HS3ST4: variants seen among roughly 807,000 people sequenced by gnomAD.
The protein encoded by HS3ST4 is heparan sulfate glucosamine 3-O-sulfotransferase 4.
HS3ST4 carries 17 observed loss-of-function variants against 29.2 expected under a neutral mutation model. That is an observed-to-expected ratio of 0.58 (90% CI 0.40 to 0.87). HS3ST4 has a LOEUF of 0.87. HS3ST4 is among the 40% of genes least tolerant of loss of function. HS3ST4 has a pLI of 0.00. For synonymous variants in HS3ST4, 314 were observed against 285.7 expected (o/e 1.10, Z -1.00); for missense variants, 627 against 634.5 (o/e 0.99, Z 0.13).
chr16:25,978,942 G>GTT (rs34078514), intron 1 of HS3ST4, among the ~76,000 whole-genome samples: 3,948 of 132,194 alleles, frequency 0.03, 280 homozygotes, highest in African/African-American at 0.1. Flanking sequence ...TTCTCTTTTT[G>GTT]TTTTTTTTTT....
intron 1 of HS3ST4, among the ~76,000 whole-genome samples, chr16:25,724,948 C>T: frequency 6.7e-6 from 1 of 150,284 alleles, no homozygotes; most frequent in African/African-American, 2.4e-5. Flanking sequence ...GATAGGCTTT[C>T]CTTTTGTCCC....
intron 1 of HS3ST4, among the ~76,000 whole-genome samples, chr16:25,957,964 C>G (rs550224843): frequency 1.3e-5 from 2 of 152,192 alleles, no homozygotes; most frequent in Non-Finnish European, 2.9e-5. Context: ...AGGTCTCACA[C>G]TACTCTCCAG....
intron 1 of HS3ST4, among the ~76,000 whole-genome samples, chr16:25,848,999 G>A (rs949647994): frequency 6.6e-6 from 1 of 151,974 alleles, no homozygotes; most frequent in Non-Finnish European, 1.5e-5. Context: ...TGTAATTTCG[G>A]TTTTGAATTT....
chr16:25,791,797 A>G (rs549437515), intron 1 of HS3ST4, among the ~76,000 whole-genome samples: 27 of 152,192 alleles, frequency 1.8e-4, no homozygotes, highest in Non-Finnish European at 3.4e-4. Flanking sequence ...TATTTCCTGT[A>G]TATAAGCCAG....
At chr16:25,869,777 G>A (rs891470192) in intron 1 of HS3ST4, among the ~76,000 whole-genome samples, 1 of 152,218 alleles carries the variant, frequency 6.6e-6, no homozygotes, top group African/African-American at 2.4e-5. Context: ...ATCCCTGGGA[G>A]TAGTTGGCAT....
chr16:25,698,851 C>G (rs138272619), intron 1 of HS3ST4, among the ~76,000 whole-genome samples: 1 of 152,162 alleles, frequency 6.6e-6, no homozygotes, highest in African/African-American at 2.4e-5. Context: ...TCAGACAGGT[C>G]GTATAAATGA....
At chr16:25,731,952 A>T (rs1258199379) in intron 1 of HS3ST4, among the ~76,000 whole-genome samples, 1 of 152,200 alleles carries the variant, frequency 6.6e-6, no homozygotes, top group Non-Finnish European at 1.5e-5. Context: ...TCTACTTTGG[A>T]AGAACAAACC....
intron 1 of HS3ST4, among the ~76,000 whole-genome samples, chr16:25,887,685 C>G (rs1285981034): frequency 6.9e-6 from 1 of 145,574 alleles, no homozygotes; most frequent in East Asian, 2.0e-4. Flanking sequence ...GCGCCCGCTA[C>G]ACCTGATTTT....
intron 1 of HS3ST4, among the ~76,000 whole-genome samples, chr16:25,839,949 G>A (rs4787766): frequency 0.16 from 24,624 of 152,196 alleles, 2,566 homozygotes; most frequent in Admixed American, 0.28. Flanking sequence ...AGTATAGGCC[G>A]AGAAGAAACC....
intron 1 of HS3ST4, among the ~76,000 whole-genome samples, chr16:26,126,737 G>A (rs755446114): frequency 1.3e-5 from 2 of 152,182 alleles, no homozygotes; most frequent in East Asian, 3.9e-4. Flanking sequence ...ATGGCATCTG[G>A]CGGGTAGAGA....
At chr16:25,758,763 CTGACCAACATG>C (rs1966772041) in intron 1 of HS3ST4, among the ~76,000 whole-genome samples, 1 of 152,062 alleles carries the variant, frequency 6.6e-6, no homozygotes, top group African/African-American at 2.4e-5. Context: ...TGAAACCAGC[CTGACCAACATG>C]GTGAAACCCT....
At chr16:25,742,822 T>C (rs572453816) in intron 1 of HS3ST4, among the ~76,000 whole-genome samples, 1 of 152,338 alleles carries the variant, frequency 6.6e-6, no homozygotes, top group South Asian at 2.1e-4. Context: ...ACTTCCGTTG[T>C]CACATATCCA....
intron 1 of HS3ST4, among the ~76,000 whole-genome samples, chr16:26,125,702 C>A (rs944766175): frequency 9.9e-5 from 15 of 152,230 alleles, no homozygotes; most frequent in African/African-American, 3.1e-4. Context: ...TGTCCTTAGT[C>A]CTCACTGTCT....
Position 25,759,630 on chromosome 16 carries a change from A to G in HS3ST4, c.734+66479A>G, listed in dbSNP as rs1325451979. ...GAGAGGAGGGAGAGGCTTCCTTAGA[A>G]AAGGAAACAGCCAGCGAGGCTCAGT... On this transcript the variant is annotated intron_variant, in intron 1 of 1. Coordinates refer to ENST00000331351, the MANE Select transcript of HS3ST4 (RefSeq NM_006040.3). Among the ~76,000 whole-genome samples the G allele has an allele frequency of 2.6e-5, 4 of 152,202 alleles. No individual in the cohort carries two copies. In the East Asian group the frequency reaches 7.7e-4, roughly 29 times the overall value.
rs982767333 is a variant in HS3ST4, at chr16:25,931,463, C to T, written c.735-204149C>T. ...AAATAGATAAAGTGCAGGGCACAAACGATAACCATTCAATGTATTGACCCA... is the reference window on the plus strand; with the variant it reads ...AAATAGATAAAGTGCAGGGCACAAATGATAACCATTCAATGTATTGACCCA... On this transcript the variant is annotated intron_variant, in intron 1 of 1. Coordinates refer to ENST00000331351, the MANE Select transcript of HS3ST4 (RefSeq NM_006040.3). Among the ~76,000 whole-genome samples the T allele has an allele frequency of 9.8e-5, 15 of 152,322 alleles. No homozygotes were observed. The South Asian group carries it at 1.2e-3, about 13-fold the overall frequency.
At position 26,060,847 on chromosome 16, in the gene HS3ST4, A is replaced by C. The variant is rs150799858; in HGVS notation, c.735-74765A>C. On this transcript the variant is annotated intron_variant, in intron 1 of 1. Transcript: ENST00000331351. ...GCTGGGATTTTGTAATTAACTCATCAGTCATTAATTACTGATTGGCTGGGT... is the reference window on the plus strand; with the variant it reads ...GCTGGGATTTTGTAATTAACTCATCCGTCATTAATTACTGATTGGCTGGGT... Among the ~76,000 whole-genome samples the C allele has an allele frequency of 6.0e-3, 920 of 152,320 alleles. 10 individuals are homozygous for C. The highest frequency in any genetic ancestry group is 0.011 in the Admixed American group (173 of 15,306).
At chr16:25,864,068 G>T (rs187146167) in intron 1 of HS3ST4, among the ~76,000 whole-genome samples, 1 of 152,270 alleles carries the variant, frequency 6.6e-6, no homozygotes, top group East Asian at 1.9e-4. Flanking sequence ...TCTTCTCTCT[G>T]TGTGTGTGTC....
intron 1 of HS3ST4, among the ~76,000 whole-genome samples, chr16:26,030,874 G>T (rs779553244): frequency 1.3e-5 from 2 of 152,168 alleles, no homozygotes; most frequent in African/African-American, 2.4e-5. Flanking sequence ...AGATAATAGT[G>T]CCTGTTTAAA....
intron 1 of HS3ST4, among the ~76,000 whole-genome samples, chr16:25,969,194 A>T (rs1968872969): frequency 6.6e-6 from 1 of 152,240 alleles, no homozygotes; most frequent in South Asian, 2.1e-4. Flanking sequence ...ATTACATTAT[A>T]TCCCTTCTGT....
Sources: allele counts gnomAD v4.1 joint callset (sites outside exome capture counted in the v4.1 genomes callset), GRCh38; gene constraint gnomAD v4.1.1; transcripts MANE v1.5; gene names NCBI Gene and HGNC (gene_info 2026-07-23, HGNC 2026-07-21).